The following DSCAM variants were observed in gnomAD, a reference collection of about 807,000 sequenced individuals.
The protein encoded by DSCAM is DS cell adhesion molecule.
In DSCAM, 47 loss-of-function variants were observed where a neutral mutation model predicts 217.7. That is an observed-to-expected ratio of 0.22 (90% CI 0.17 to 0.28). The LOEUF is 0.28. Ranked by LOEUF, DSCAM falls within the 10% of genes least tolerant of loss-of-function variation. The pLI is 1.00. For synonymous variants in DSCAM, 1,056 were observed against 1,015.3 expected (o/e 1.04, Z -0.76); for missense variants, 2,080 against 2,618.3 (o/e 0.79, Z 4.49).
At chr21:40,326,993 T>C (rs1319119556) in intron 8 of DSCAM, among the ~76,000 whole-genome samples, 1 of 151,024 alleles carries the variant, frequency 6.6e-6, no homozygotes, top group Non-Finnish European at 1.5e-5. Flanking sequence ...ATATAAATGT[T>C]ATATAGGTGT....
chr21:40,272,969 T>C (rs1300748452), intron 11 of DSCAM, among the ~76,000 whole-genome samples: 1 of 152,122 alleles, frequency 6.6e-6, no homozygotes, highest in Non-Finnish European at 1.5e-5. Context: ...AAGACACCAC[T>C]CCAGGGCTGA....
intron 3 of DSCAM, among the ~76,000 whole-genome samples, chr21:40,577,851 C>G (rs995242264): frequency 2.6e-5 from 4 of 152,082 alleles, no homozygotes; most frequent in East Asian, 3.9e-4. Flanking sequence ...ATCAATCAGA[C>G]GAAATCCTGG....
chr21:40,510,751 C>A (rs2076251806), intron 3 of DSCAM, among the ~76,000 whole-genome samples: 2 of 152,170 alleles, frequency 1.3e-5, no homozygotes, highest in Non-Finnish European at 2.9e-5. Context: ...GACTTTCTTC[C>A]CATTCTGAAA....
intron 9 of DSCAM, among the ~76,000 whole-genome samples, chr21:40,307,847 A>C (rs569346378): frequency 6.7e-6 from 1 of 150,158 alleles, no homozygotes; most frequent in South Asian, 2.1e-4. Context: ...AAAACCAAAC[A>C]CTGCATATTC....
chr21:40,790,127 C>T (rs2091627421), intron 1 of DSCAM, among the ~76,000 whole-genome samples: 1 of 151,996 alleles, frequency 6.6e-6, no homozygotes, highest in Non-Finnish European at 1.5e-5. Context: ...TCACAGGAGC[C>T]ATACACCTTT....
chr21:40,370,745 C>T lies in DSCAM; in HGVS notation c.509-1500G>A, dbSNP rs1254016215. On this transcript the variant is annotated intron_variant, in intron 3 of 32. Coordinates refer to ENST00000400454, the MANE Select transcript of DSCAM (RefSeq NM_001389.5). ...AAGCAATCCTTCCACCTCAGCCTCC[C>T]GAATAGCTGGAACTATGGGAGTGGG... Among the ~76,000 whole-genome samples the T allele has an allele frequency of 3.9e-5, 6 of 152,138 alleles. 1 individual carries two copies. The South Asian group carries it at 8.3e-4, about 21-fold the overall frequency.
At chr21:40,569,579 C>T (rs933020494) in intron 3 of DSCAM, among the ~76,000 whole-genome samples, 4 of 152,122 alleles carry the variant, frequency 2.6e-5, no homozygotes, top group African/African-American at 4.8e-5. Flanking sequence ...CTCTCAGCCC[C>T]GCCCCATAGT....
At chr21:40,310,321 G>A (rs2074123859) in intron 9 of DSCAM, among the ~76,000 whole-genome samples, 1 of 152,172 alleles carries the variant, frequency 6.6e-6, no homozygotes, top group South Asian at 2.1e-4. Context: ...AAGCCTCCCA[G>A]GAGATTCTAC....
intron 11 of DSCAM, among the ~76,000 whole-genome samples, chr21:40,209,640 T>C (rs2091163038): frequency 6.6e-6 from 1 of 152,198 alleles, no homozygotes; most frequent in Non-Finnish European, 1.5e-5. Context: ...TCCCTATTCC[T>C]GTCCCAGGCT....
intron 3 of DSCAM, among the ~76,000 whole-genome samples, chr21:40,625,787 C>T (rs1270417749): frequency 6.6e-6 from 1 of 152,090 alleles, no homozygotes; most frequent in Non-Finnish European, 1.5e-5. Context: ...AAACAAATAA[C>T]AACAACAAAA....
intron 3 of DSCAM, among the ~76,000 whole-genome samples, chr21:40,540,280 A>G (rs899076892): frequency 2.0e-5 from 3 of 152,196 alleles, no homozygotes; most frequent in African/African-American, 4.8e-5. Flanking sequence ...TCTGAAGGCA[A>G]AAGTTCAGAT....
chr21:40,457,727 A>C (rs150033102), intron 3 of DSCAM, among the ~76,000 whole-genome samples: 1 of 152,336 alleles, frequency 6.6e-6, no homozygotes, highest in Non-Finnish European at 1.5e-5. Context: ...TATGATATTT[A>C]CAATGTGAAT....
intron 21 of DSCAM, among the ~76,000 whole-genome samples, chr21:40,091,658 A>G (rs1158476001): frequency 6.6e-6 from 1 of 152,102 alleles, no homozygotes; most frequent in Non-Finnish European, 1.5e-5. Context: ...CATGCCTGAG[A>G]CTGGGTAATT....
At chr21:40,587,538 A>G (rs754359021) in intron 3 of DSCAM, among the ~76,000 whole-genome samples, 7 of 152,246 alleles carry the variant, frequency 4.6e-5, no homozygotes, top group Non-Finnish European at 1.0e-4. Context: ...TTATCATTTG[A>G]TAAATCCTTC....
At chr21:40,512,000 A>ATAAAAAAAT (rs1447951689) in intron 3 of DSCAM, among the ~76,000 whole-genome samples, 1 of 148,292 alleles carries the variant, frequency 6.7e-6, no homozygotes, top group Non-Finnish European at 1.5e-5. Flanking sequence ...CAAAAAAAAA[A>ATAAAAAAAT]AAAAAAAAAA....
At chr21:40,045,748 A>G (rs2088832512) in intron 30 of DSCAM, among the ~76,000 whole-genome samples, 1 of 152,242 alleles carries the variant, frequency 6.6e-6, no homozygotes. Flanking sequence ...TAAACCCAGC[A>G]GACTGTATTC....
intron 3 of DSCAM, among the ~76,000 whole-genome samples, chr21:40,508,253 T>A (rs777618641): frequency 7.9e-5 from 12 of 152,146 alleles, no homozygotes; most frequent in Non-Finnish European, 1.3e-4. Flanking sequence ...CACCATTGCT[T>A]TTGTAACTTT....
chr21:40,823,668 C>A (rs1340303380), intron 1 of DSCAM, among the ~76,000 whole-genome samples: 1 of 152,142 alleles, frequency 6.6e-6, no homozygotes, highest in African/African-American at 2.4e-5. Flanking sequence ...TACAGTGAAA[C>A]CTCACCCAAA....
chr21:40,645,510 GT>G lies in DSCAM; in HGVS notation c.508+47299del, dbSNP rs879270869. Among the ~76,000 whole-genome samples the G allele has an allele frequency of 5.4e-4, 80 of 148,698 alleles. 1 individual carries two copies. The highest frequency in any genetic ancestry group is 3.5e-3 in the Middle Eastern group (1 of 288). On this transcript the variant is annotated intron_variant, in intron 3 of 32. Coordinates refer to ENST00000400454, the MANE Select transcript of DSCAM (RefSeq NM_001389.5). ...TGGAATCATGTGATGCTTTAATTCA[GT>G]TTTTTTTTTAGTAGGCATCCACTAT...
Sources: gnomAD v4.1 joint callset for allele counts (sites outside exome capture counted in the v4.1 genomes callset) on GRCh38, gnomAD v4.1.1 for gene constraint, MANE v1.5 for transcripts, NCBI Gene and HGNC (gene_info 2026-07-23, HGNC 2026-07-21) for gene names.